The following SNTG1 variants were observed in gnomAD, a reference collection of about 807,000 sequenced individuals.
SNTG1 encodes the protein gamma-1-syntrophin.
In SNTG1, 39 loss-of-function variants were observed where a neutral mutation model predicts 74.7. The ratio of observed to expected loss-of-function variants is 0.52; its 90% confidence interval spans 0.40 to 0.68. The LOEUF (loss-of-function observed/expected upper bound fraction) is 0.68. Ranked by LOEUF, SNTG1 falls within the 30% of genes least tolerant of loss-of-function variation. The pLI is 0.00. For missense variants in SNTG1, 685 were observed against 609.5 expected (o/e 1.12, Z -1.30); for synonymous variants, 254 against 217.1 (o/e 1.17, Z -1.49).
chr8:50,452,589 T>G (rs998337384), intron 8 of SNTG1, among the ~76,000 whole-genome samples: 3 of 152,202 alleles, frequency 2.0e-5, no homozygotes, highest in Admixed American at 6.5e-5. Flanking sequence ...TAGTGCAGCA[T>G]GAAAGATTAG....
chr8:50,549,392 A>G (rs981201151), intron 11 of SNTG1, among the ~76,000 whole-genome samples: 6 of 152,114 alleles, frequency 3.9e-5, no homozygotes, highest in African/African-American at 1.4e-4. Context: ...CAATTAAGTG[A>G]TAATGAAATC....
chr8:50,613,264 T>C (rs2094863808), intron 13 of SNTG1, among the ~76,000 whole-genome samples: 1 of 152,154 alleles, frequency 6.6e-6, no homozygotes, highest in Non-Finnish European at 1.5e-5. Context: ...CGTAGGGTAT[T>C]GATGGCTCAA....
At chr8:49,967,502 A>T (rs1017820424) in intron 1 of SNTG1, among the ~76,000 whole-genome samples, 1 of 152,164 alleles carries the variant, frequency 6.6e-6, no homozygotes, top group Non-Finnish European at 1.5e-5. Context: ...ATCTGATAAA[A>T]TCTTCACTTT....
At position 50,207,399 on chromosome 8, in the gene SNTG1, A is replaced by T. The variant is rs530602361; in HGVS notation, c.-28+34764A>T. ...CTGATGTAGATTGTATTTCTATGGG[A>T]TTGGAGGGGATATCCCCTTTATCAT... On this transcript the variant is annotated intron_variant, in intron 2 of 18. Transcript: ENST00000642720. Among the ~76,000 whole-genome samples, 68 of 152,152 alleles carry T rather than the reference A, an allele frequency of 4.5e-4. 1 individual carries two copies. The highest frequency in any genetic ancestry group is 3.4e-3 in the Middle Eastern group (1 of 294).
chr8:50,451,544 G>T (rs180953442), intron 8 of SNTG1, among the ~76,000 whole-genome samples: 1 of 152,194 alleles, frequency 6.6e-6, no homozygotes, highest in South Asian at 2.1e-4. Context: ...AGGCAGACAG[G>T]TTTAGCAATA....
At chr8:49,946,748 G>T (rs949708434) in intron 1 of SNTG1, among the ~76,000 whole-genome samples, 5 of 152,134 alleles carry the variant, frequency 3.3e-5, no homozygotes, top group Non-Finnish European at 5.9e-5. Flanking sequence ...CGATATTCTT[G>T]TTCCTTTTAC....
In SNTG1 at chr8:50,536,728, G is replaced by T; in HGVS notation, c.600G>T (p.Glu200Asp). ...CGACGTCTCCAGGCTTGAGGTGGGA[G>T]AAGCGATGGTGCGACCTCAGACTGA... ...SWPTSPGLRW[E>D]KRWCDLRLIP... is the part of the protein sequence containing the mutation. The change falls in exon 11 of 19, where the codon GAG becomes GAT. Residue 200 changes from glutamate (E) to aspartate (D), a missense_variant. Glu to Asp is a conservative substitution (Grantham distance 45). Coordinates refer to ENST00000642720, the MANE Select transcript of SNTG1 (RefSeq NM_018967.5). 6.2e-7 allele frequency: 1 copy of T among 1,613,984 alleles called. No homozygotes were observed. The highest frequency in any genetic ancestry group is 8.5e-7 in the Non-Finnish European group (1 of 1,179,870).
chr8:50,524,318 A>G (rs570466880), intron 9 of SNTG1, among the ~76,000 whole-genome samples: 1 of 152,230 alleles, frequency 6.6e-6, no homozygotes, highest in East Asian at 1.9e-4. Context: ...AGAGATTTCT[A>G]TCCCACAATC....
intron 2 of SNTG1, among the ~76,000 whole-genome samples, chr8:50,309,321 C>T (rs1169439036): frequency 6.7e-6 from 1 of 150,360 alleles, no homozygotes; most frequent in Non-Finnish European, 1.5e-5. Context: ...TTTTGAGTTC[C>T]TAAATATTAA....
At chr8:50,292,937 A>T (rs1465782945) in intron 2 of SNTG1, among the ~76,000 whole-genome samples, 1 of 152,082 alleles carries the variant, frequency 6.6e-6, no homozygotes, top group East Asian at 1.9e-4. Context: ...CTAGCAGAGG[A>T]GGTGGAGAAG....
At chr8:50,389,508 A>G (rs1284795098) in intron 2 of SNTG1, among the ~76,000 whole-genome samples, 2 of 152,146 alleles carry the variant, frequency 1.3e-5, no homozygotes, top group Admixed American at 1.3e-4. Context: ...CTTGGTTCGA[A>G]GTCTTTGCTA....
chr8:50,504,272 T>C (rs2093988151), intron 9 of SNTG1, among the ~76,000 whole-genome samples: 1 of 152,182 alleles, frequency 6.6e-6, no homozygotes, highest in South Asian at 2.1e-4. Flanking sequence ...TGATTCTATG[T>C]CTTTACTATT....
At chr8:49,979,027 T>C (rs1253002389) in intron 1 of SNTG1, among the ~76,000 whole-genome samples, 2 of 152,244 alleles carry the variant, frequency 1.3e-5, no homozygotes, top group Non-Finnish European at 1.5e-5. Flanking sequence ...CACCATAATG[T>C]AGGAATTCTT....
At chr8:50,222,478 G>A (rs1451977886) in intron 2 of SNTG1, among the ~76,000 whole-genome samples, 1 of 152,076 alleles carries the variant, frequency 6.6e-6, no homozygotes, top group Non-Finnish European at 1.5e-5. Context: ...TCATTTTTTG[G>A]TGTGTTGGGA....
intron 2 of SNTG1, among the ~76,000 whole-genome samples, chr8:50,307,625 C>G (rs74821791): frequency 1.3e-5 from 2 of 151,774 alleles, no homozygotes; most frequent in Non-Finnish European, 2.9e-5. Context: ...CTTCATTTTA[C>G]TTTTCATCAT....
At position 50,545,917 on chromosome 8, in the gene SNTG1, C is replaced by G. The variant is rs190203205; in HGVS notation, c.681-7133C>G. On this transcript the variant is annotated intron_variant, in intron 11 of 18. Transcript: ENST00000642720. ...AGCAAATGGGTCTCTAACAATAAAG[C>G]GAAATATGAATCTGACTTATAGTAA... 2.0e-5 allele frequency among the ~76,000 whole-genome samples: 3 copies of G among 151,934 alleles called. No homozygotes were observed. The East Asian group carries it at 5.8e-4, about 29-fold the overall frequency.
chr8:50,677,971 C>T (rs760143322), intron 15 of SNTG1, among the ~76,000 whole-genome samples: 1 of 151,508 alleles, frequency 6.6e-6, no homozygotes, highest in Non-Finnish European at 1.5e-5. Context: ...TACACCAGGG[C>T]GTGTGGGGAG....
At chr8:50,218,355 A>G (rs2131967600) in intron 2 of SNTG1, among the ~76,000 whole-genome samples, 1 of 152,198 alleles carries the variant, frequency 6.6e-6, no homozygotes, top group East Asian at 1.9e-4. Flanking sequence ...TTAAATGCTC[A>G]CAAAGAAAAG....
intron 4 of SNTG1, among the ~76,000 whole-genome samples, chr8:50,413,612 G>A (rs1039005751): frequency 6.6e-6 from 1 of 152,126 alleles, no homozygotes; most frequent in African/African-American, 2.4e-5. Flanking sequence ...GAAAATTTAT[G>A]TATTTCTTCA....
Sources: allele counts gnomAD v4.1 joint callset (sites outside exome capture counted in the v4.1 genomes callset), GRCh38; gene constraint gnomAD v4.1.1; transcripts MANE v1.5; gene names NCBI Gene and HGNC (gene_info 2026-07-23, HGNC 2026-07-21).